Variants in PCDHGA6 observed in about 807,000 individuals in gnomAD.
The protein encoded by PCDHGA6 is protocadherin gamma subfamily A, 6.
A neutral mutation model predicts 60.6 loss-of-function variants in PCDHGA6; 41 were observed. The observed-to-expected ratio is 0.68, with a 90% CI of 0.53 to 0.88. PCDHGA6 has a LOEUF of 0.88. Ranked by LOEUF, PCDHGA6 falls within the 40% of genes least tolerant of loss-of-function variation. The pLI is 0.00. For missense variants in PCDHGA6, 1,312 were observed against 1,203.0 expected (o/e 1.09, Z -1.34); for synonymous variants, 594 against 524.4 (o/e 1.13, Z -1.81).
At chr5:141,492,468 G>A (rs927514972) in intron 1 of PCDHGA6, among the ~76,000 whole-genome samples, 1 of 152,232 alleles carries the variant, frequency 6.6e-6, no homozygotes, top group Admixed American at 6.5e-5. Flanking sequence ...GAGGGTCCCA[G>A]ATCGCGGCCG....
chr5:141,428,159 G>A (rs1377084529), intron 1 of PCDHGA6: 1 of 1,571,752 alleles, frequency 6.4e-7, no homozygotes, highest in East Asian at 2.2e-5. Context: ...GAACCTGCTG[G>A]TTGCTGTGCG....
chr5:141,446,482 C>A (rs961785845), intron 1 of PCDHGA6, among the ~76,000 whole-genome samples: 2 of 146,988 alleles, frequency 1.4e-5, no homozygotes, highest in Non-Finnish European at 3.0e-5. Flanking sequence ...GGTCATCATT[C>A]TTTTTTTTTT....
chr5:141,426,375 G>A, intron 1 of PCDHGA6: 2 of 216,424 alleles, frequency 9.2e-6, no homozygotes, highest in South Asian at 7.8e-5. Flanking sequence ...GGGCACCCTC[G>A]GAGCAGATCC....
intron 1 of PCDHGA6, chr5:141,382,982 C>A (rs1778673770): frequency 6.2e-7 from 1 of 1,612,206 alleles, no homozygotes; most frequent in Non-Finnish European, 8.5e-7. Flanking sequence ...GAAGCCTGGG[C>A]AGGACGTATT....
intron 1 of PCDHGA6, chr5:141,418,060 A>G (rs2096216821): frequency 1.2e-6 from 2 of 1,613,850 alleles, no homozygotes; most frequent in Admixed American, 1.7e-5. Flanking sequence ...GCGAGCTGCG[A>G]GTGAGCGCGG....
At chr5:141,442,033 G>T (rs2098292928) in intron 1 of PCDHGA6, 1 of 209,534 alleles carries the variant, frequency 4.8e-6, no homozygotes, top group Non-Finnish European at 9.8e-6. Context: ...AAAGCGACTC[G>T]CCAGCGCCTA....
intron 1 of PCDHGA6, chr5:141,393,380 C>T (rs771237283): frequency 6.2e-7 from 1 of 1,613,988 alleles, no homozygotes; most frequent in South Asian, 1.1e-5. Context: ...ACAATGGAGC[C>T]ATAAACCCAG....
intron 1 of PCDHGA6, chr5:141,411,313 T>C (rs970801897): frequency 6.6e-5 from 10 of 152,224 alleles, no homozygotes; most frequent in African/African-American, 2.4e-4. Context: ...CTCACACCTA[T>C]AATCACAGCA....
At chr5:141,389,197 T>C (rs2091642576) in intron 1 of PCDHGA6, 1 of 1,614,010 alleles carries the variant, frequency 6.2e-7, no homozygotes, top group East Asian at 2.2e-5. Context: ...AGCATCACCC[T>C]GCACATTGGT....
chr5:141,419,196 A>G (rs2096342064), intron 1 of PCDHGA6: 1 of 1,613,994 alleles, frequency 6.2e-7, no homozygotes, highest in Middle Eastern at 1.6e-4. Context: ...ACTGACGTCA[A>G]TGACAACGCG....
rs370067669 is a variant in PCDHGA6 at position 141,419,410 on chromosome 5, G to A, written c.2424+42903G>A. ...CGCAGAGCGGGGTGGTGTTCGCGCA[G>A]CGCGCCTTCGACCACGAGCAGCTGC... On this transcript the variant is annotated intron_variant, in intron 1 of 3. Coordinates refer to ENST00000517434, the MANE Select transcript of PCDHGA6 (RefSeq NM_018919.3). 140 of 1,613,468 alleles carry A rather than the reference G, an allele frequency of 8.7e-5. No individual in the cohort carries two copies. In the African/African-American group the frequency reaches 1.8e-3, roughly 20 times the overall value.
At chr5:141,441,916 C>T (rs1340767725) in intron 1 of PCDHGA6, 9 of 352,248 alleles carry the variant, frequency 2.6e-5, no homozygotes, top group Non-Finnish European at 4.9e-5. Context: ...AGATGTGAGA[C>T]ACAATGCGTG....
intron 1 of PCDHGA6, among the ~76,000 whole-genome samples, chr5:141,449,588 C>CAA (rs768743917): frequency 2.4e-4 from 14 of 57,430 alleles, no homozygotes; most frequent in Non-Finnish European, 3.7e-4. Flanking sequence ...GACTCTGTCT[C>CAA]AAAAAAAAAA....
chr5:141,466,358 A>T (rs1210013683), intron 1 of PCDHGA6, among the ~76,000 whole-genome samples: 3 of 152,066 alleles, frequency 2.0e-5, no homozygotes, highest in Non-Finnish European at 4.4e-5. Context: ...GCTAATCTAG[A>T]TGTAATGGTT....
At position 141,489,258 on chromosome 5, in the gene PCDHGA6, C is replaced by T. The variant is rs1594800449; in HGVS notation, c.2425-5549C>T. 3.2e-6 allele frequency: 5 copies of T among 1,551,530 alleles called. No individual in the cohort carries two copies. Among genetic ancestry groups the T allele is most frequent in the African/African-American group, 1.4e-5 (1 of 73,276 alleles). On this transcript the variant is annotated intron_variant, in intron 1 of 3. Coordinates refer to ENST00000517434, the MANE Select transcript of PCDHGA6 (RefSeq NM_018919.3). This position sits in a 1 kb window ranked among gnomAD's most constrained non-coding sequence, Gnocchi z 4.5. Reference sequence around the variant, plus strand: ...TCTGGGTCATGGGGCCCAAGACACTCCCACAGCTCGCTGGGAAATGGCAAG... The same window carrying T: ...TCTGGGTCATGGGGCCCAAGACACTTCCACAGCTCGCTGGGAAATGGCAAG...
At position 141,374,078 on chromosome 5, in the gene PCDHGA6, C is replaced by T; in HGVS notation, c.-6C>T. On this transcript the variant is annotated 5_prime_UTR_variant, in exon 1 of 4. Coordinates refer to ENST00000517434, the MANE Select transcript of PCDHGA6 (RefSeq NM_018919.3). Reference sequence around the variant, plus strand: ...TAATCCCAGAGAAGTTCCTAATAAGCCAGTAATGGCGCCTCCGCAGAGGCA... The same window carrying T: ...TAATCCCAGAGAAGTTCCTAATAAGTCAGTAATGGCGCCTCCGCAGAGGCA... 1 of 1,516,122 alleles carries T rather than the reference C, an allele frequency of 6.6e-7. No homozygotes were observed. The highest frequency in any genetic ancestry group is 8.8e-7 in the Non-Finnish European group (1 of 1,133,594). The allele number at this position is 1,516,122 out of a possible 1,614,324, so 93.9% of individuals were successfully genotyped here. A position where few individuals can be genotyped will look rare whatever the true frequency, so the allele number is the denominator to read the frequency against.
intron 1 of PCDHGA6, chr5:141,422,386 A>G: frequency 1.3e-6 from 2 of 1,587,922 alleles, no homozygotes; most frequent in Non-Finnish European, 1.7e-6. Flanking sequence ...CTCCTGTTTT[A>G]TTCCTAACCA....
intron 1 of PCDHGA6, among the ~76,000 whole-genome samples, chr5:141,457,984 A>G (rs1210742359): frequency 2.0e-5 from 3 of 152,226 alleles, no homozygotes; most frequent in Non-Finnish European, 1.5e-5. Context: ...ACACCCTTTC[A>G]GTTAAAGCCT....
intron 1 of PCDHGA6, among the ~76,000 whole-genome samples, chr5:141,461,415 T>C (rs2099015091): frequency 6.6e-6 from 1 of 152,152 alleles, no homozygotes; most frequent in Non-Finnish European, 1.5e-5. Flanking sequence ...TTTCATATGT[T>C]TGTGGGCCAT....
Sources: gnomAD v4.1 joint callset for allele counts (sites outside exome capture counted in the v4.1 genomes callset) on GRCh38, gnomAD v4.1.1 for gene constraint, Gnocchi (gnomAD v3.1) non-coding constraint, MANE v1.5 for transcripts, NCBI Gene and HGNC (gene_info 2026-07-23, HGNC 2026-07-21) for gene names.